CAMTA1: variants seen among roughly 807,000 people sequenced by gnomAD.
CAMTA1 encodes the protein calmodulin binding transcription activator 1, also known as calmodulin-binding transcription activator 1.
In CAMTA1, 27 loss-of-function variants were observed where a neutral mutation model predicts 170.9. That is an observed-to-expected ratio of 0.16 (90% CI 0.12 to 0.22). The LOEUF is 0.22. Ranked by LOEUF, CAMTA1 falls within the 10% of genes least tolerant of loss-of-function variation. The probability of loss-of-function intolerance (pLI) is 1.00; values close to 1 mark genes in which losing one functional copy is unlikely to be tolerated. For missense variants in CAMTA1, 1,619 were observed against 2,217.2 expected (o/e 0.73, Z 5.42); for synonymous variants, 833 against 891.5 (o/e 0.93, Z 1.17).
chr1:6,872,964 A>G (rs1441386450), intron 3 of CAMTA1, among the ~76,000 whole-genome samples: 1 of 152,204 alleles, frequency 6.6e-6, no homozygotes, highest in Non-Finnish European at 1.5e-5. Context: ...AGTTTATGTC[A>G]TTCATTAGAA....
intron 5 of CAMTA1, among the ~76,000 whole-genome samples, chr1:7,385,117 T>G (rs1375810901): frequency 7.1e-6 from 1 of 140,452 alleles, no homozygotes; most frequent in African/African-American, 2.7e-5. Context: ...TGAGACAGAG[T>G]CTCGCTCTGT....
intron 3 of CAMTA1, among the ~76,000 whole-genome samples, chr1:6,945,985 G>A (rs984505884): frequency 2.0e-5 from 3 of 152,084 alleles, no homozygotes; most frequent in Non-Finnish European, 4.4e-5. Flanking sequence ...AATCCCTTTT[G>A]TGGGGACACA....
In CAMTA1 at chr1:7,056,394, CATGAGCTGA is replaced by C. The variant is rs1707329106; in HGVS notation, c.235-34909_235-34901del. 6.8e-4 allele frequency among the ~76,000 whole-genome samples: 103 copies of C among 152,314 alleles called. 1 individual carries two copies. Among genetic ancestry groups the C allele is most frequent in the Admixed American group, 6.6e-3 (101 of 15,302 alleles). ...GCAGCCCCCAGGTGGGAAGGGGGCT[CATGAGCTGA>C]CCCATCAGGCTGAGGCCTTGTGGGA... On this transcript the variant is annotated intron_variant, in intron 3 of 22. Coordinates refer to ENST00000303635, the MANE Select transcript of CAMTA1 (RefSeq NM_015215.4).
chr1:6,957,160 G>A (rs984982002), intron 3 of CAMTA1, among the ~76,000 whole-genome samples: 2 of 152,214 alleles, frequency 1.3e-5, no homozygotes, highest in Non-Finnish European at 2.9e-5. Context: ...CATGTATGCC[G>A]CAGATCTAAG....
At chr1:7,705,369 G>T (rs938301832) in intron 11 of CAMTA1, among the ~76,000 whole-genome samples, 2 of 151,392 alleles carry the variant, frequency 1.3e-5, no homozygotes, top group African/African-American at 4.9e-5. Flanking sequence ...CGTGAGGGGC[G>T]CGCGTGTTTG....
intron 11 of CAMTA1, among the ~76,000 whole-genome samples, chr1:7,710,573 C>T (rs1459522704): frequency 6.8e-6 from 1 of 148,136 alleles, no homozygotes; most frequent in Non-Finnish European, 1.5e-5. Context: ...TGCACTCCAG[C>T]CTGGGTGACA....
intron 5 of CAMTA1, among the ~76,000 whole-genome samples, chr1:7,465,641 GT>G (rs1478506946): frequency 6.6e-6 from 1 of 152,148 alleles, no homozygotes; most frequent in Non-Finnish European, 1.5e-5. Context: ...ACTTCATTTT[GT>G]TTATCGGATG....
At chr1:7,359,357 C>T (rs77561857) in intron 5 of CAMTA1, among the ~76,000 whole-genome samples, 2,630 of 152,228 alleles carry the variant, frequency 0.017, 84 homozygotes, top group African/African-American at 0.061. Flanking sequence ...AGAAGGCAAT[C>T]GCTGGCCTCA....
intron 5 of CAMTA1, among the ~76,000 whole-genome samples, chr1:7,328,791 C>T (rs979523987): frequency 2.0e-5 from 3 of 151,958 alleles, no homozygotes; most frequent in Admixed American, 6.6e-5. Flanking sequence ...TTTACCTTTT[C>T]CCCCCAAATC....
chr1:7,208,021 T>C (rs956350151), intron 4 of CAMTA1, among the ~76,000 whole-genome samples: 3 of 152,226 alleles, frequency 2.0e-5, no homozygotes, highest in African/African-American at 7.2e-5. Flanking sequence ...TATAAAAGGG[T>C]AACACATCCC....
At chr1:6,845,502 A>G (rs1362346537) in intron 3 of CAMTA1, among the ~76,000 whole-genome samples, 3 of 152,256 alleles carry the variant, frequency 2.0e-5, no homozygotes, top group Admixed American at 2.0e-4. Context: ...AACTCTGTGC[A>G]TATATTAAAA....
chr1:7,672,193 T>G (rs879902256), intron 10 of CAMTA1: 1 of 399,804 alleles, frequency 2.5e-6, no homozygotes, highest in Non-Finnish European at 5.0e-6. Flanking sequence ...ATGCTCAGTG[T>G]AGAAGACTGG....
intron 3 of CAMTA1, among the ~76,000 whole-genome samples, chr1:7,049,155 T>C (rs543335719): frequency 2.0e-5 from 3 of 152,328 alleles, no homozygotes; most frequent in African/African-American, 4.8e-5. Flanking sequence ...TGGGGGTTCA[T>C]GTACGAACTA....
chr1:7,160,224 G>A (rs11120867), intron 4 of CAMTA1, among the ~76,000 whole-genome samples: 88,776 of 151,862 alleles, frequency 0.58, 26,247 homozygotes, highest in Admixed American at 0.63. Flanking sequence ...ACTCCAGTCT[G>A]GGCAACTCCA....
At chr1:7,702,945 A>G (rs1219047083) in intron 11 of CAMTA1, among the ~76,000 whole-genome samples, 1 of 152,044 alleles carries the variant, frequency 6.6e-6, no homozygotes, top group African/African-American at 2.4e-5. Flanking sequence ...CCTTCCACCT[A>G]TTGATTCCTT....
chr1:7,737,864 C>T, intron 15 of CAMTA1, 95 bp from the exon 16 acceptor site: 1 of 1,317,276 alleles, frequency 7.6e-7, no homozygotes, highest in African/African-American at 1.5e-5. Flanking sequence ...TCCGGCTTTG[C>T]ACTTTGTGTC....
At chr1:7,598,101 A>T (rs2095414647) in intron 6 of CAMTA1, among the ~76,000 whole-genome samples, 1 of 135,946 alleles carries the variant, frequency 7.4e-6, no homozygotes, top group South Asian at 2.8e-4. Context: ...CAACCCCACA[A>T]CAGGCCCCGG....
chr1:7,760,056 G>A (rs2096962888), intron 22 of CAMTA1, among the ~76,000 whole-genome samples: 1 of 152,192 alleles, frequency 6.6e-6, no homozygotes, highest in Admixed American at 6.5e-5. Context: ...GGGAATGCTA[G>A]TATTTAATTA....
At chr1:7,718,850 G>GC (rs1207065539) in intron 11 of CAMTA1, among the ~76,000 whole-genome samples, 3 of 41,490 alleles carry the variant, frequency 7.2e-5, no homozygotes, top group Non-Finnish European at 9.1e-5. Context: ...AGCCCGGTCA[G>GC]CCCTTTTTTT....
Sources: allele counts gnomAD v4.1 joint callset (sites outside exome capture counted in the v4.1 genomes callset), GRCh38; gene constraint gnomAD v4.1.1; transcripts MANE v1.5; gene names NCBI Gene and HGNC (gene_info 2026-07-23, HGNC 2026-07-21).